Variants in RARB observed in about 807,000 individuals in gnomAD.
RARB encodes retinoic acid receptor beta.
Under a neutral mutation model 51.9 loss-of-function variants are expected in RARB, and 17 were observed. The ratio of observed to expected loss-of-function variants is 0.33; its 90% CI spans 0.22 to 0.49. The LOEUF (loss-of-function observed/expected upper bound fraction) is 0.49. Among genes scored for constraint, RARB ranks in the 20% least tolerant of loss-of-function variants. The pLI, the probability that RARB is intolerant of heterozygous loss-of-function variation, is 0.99. For synonymous variants in RARB, 215 were observed against 195.4 expected, an observed-to-expected ratio of 1.10 and a Z score of -0.84; for missense variants, 369 against 550.8, an observed-to-expected ratio of 0.67 and a Z score of 3.30.
chr3:25,154,706 A>G (rs746455304), intron 4 of RARB, among the ~76,000 whole-genome samples: 7 of 152,074 alleles, frequency 4.6e-5, no homozygotes, highest in Non-Finnish European at 7.4e-5. Context: ...CCAATCTCTT[A>G]CTACTCCCCA....
At chr3:25,136,186 G>T (rs528015036) in intron 4 of RARB, among the ~76,000 whole-genome samples, 1 of 152,008 alleles carries the variant, frequency 6.6e-6, no homozygotes, top group African/African-American at 2.4e-5. Context: ...CTGAACCCTT[G>T]ACAGGCATAT....
At chr3:25,303,147 C>G (rs1051092517) in intron 5 of RARB, among the ~76,000 whole-genome samples, 1 of 152,136 alleles carries the variant, frequency 6.6e-6, no homozygotes. Flanking sequence ...TCTTGACATG[C>G]TCAGCAGTTC....
At chr3:25,326,980 CCCTCCCCCCT>C (rs1329204675) in intron 5 of RARB, among the ~76,000 whole-genome samples, 3 of 151,950 alleles carry the variant, frequency 2.0e-5, no homozygotes, top group African/African-American at 2.4e-5. Flanking sequence ...CTAATGCTAT[CCCTCCCCCCT>C]CCTCCCACCC....
chr3:25,432,586 C>T (rs2125517568), intron 1 of RARB, among the ~76,000 whole-genome samples: 1 of 152,208 alleles, frequency 6.6e-6, no homozygotes, highest in African/African-American at 2.4e-5. Context: ...TATTGTTATG[C>T]ACTTTTCTCT....
In RARB at chr3:25,596,459, G is replaced by C; in HGVS notation, c.1190G>C (p.Gly397Ala). The change falls in exon 8 of 8, where the codon GGA becomes GCA. Residue 397 changes from glycine to alanine, a missense_variant. Physicochemically the swap from Gly to Ala is moderately conservative, Grantham distance 60. This residue lies in a region of RARB where 76 missense variants were observed against 153.3 expected (regional missense o/e 0.50). Coordinates refer to ENST00000330688, the MANE Select transcript of RARB (RefSeq NM_000965.5). The part of the protein sequence containing the change: ...RVITLKMEIP[G>A]SMPPLIQEML... Reference sequence around the variant, plus strand: ...ATTACCTTGAAAATGGAAATTCCTGGATCAATGCCACCTCTCATTCAAGAA... The same window carrying C: ...ATTACCTTGAAAATGGAAATTCCTGCATCAATGCCACCTCTCATTCAAGAA... 6.2e-7 allele frequency: 1 copy of C among 1,613,464 alleles called. No homozygotes were observed. Among genetic ancestry groups the C allele is most frequent in the Non-Finnish European group, 8.5e-7 (1 of 1,179,540 alleles).
intron 4 of RARB, among the ~76,000 whole-genome samples, chr3:25,165,043 G>T (rs1380125855): frequency 6.6e-6 from 1 of 152,258 alleles, no homozygotes; most frequent in South Asian, 2.1e-4. Flanking sequence ...TACTGAGTTA[G>T]TATGGTCCTT....
chr3:25,591,409 C>A (rs1023619579), intron 5 of RARB, among the ~76,000 whole-genome samples: 1 of 152,124 alleles, frequency 6.6e-6, no homozygotes, highest in Non-Finnish European at 1.5e-5. Context: ...AGGCCGATAT[C>A]GAAATCAGTA....
At chr3:24,996,126 C>T (rs1034186035) in intron 2 of RARB, among the ~76,000 whole-genome samples, 2 of 152,068 alleles carry the variant, frequency 1.3e-5, no homozygotes, top group African/African-American at 4.8e-5. Flanking sequence ...ATTACTGATT[C>T]AATCCCATGC....
At chr3:25,433,059 A>G (rs550879287) in intron 1 of RARB, among the ~76,000 whole-genome samples, 19 of 152,344 alleles carry the variant, frequency 1.2e-4, no homozygotes, top group Middle Eastern at 6.8e-3. Flanking sequence ...TTAACTATCA[A>G]TTAAATAGAT....
intron 2 of RARB, among the ~76,000 whole-genome samples, chr3:24,997,210 A>G (rs1697061063): frequency 6.6e-6 from 1 of 151,966 alleles, no homozygotes; most frequent in South Asian, 2.1e-4. Context: ...TTATTGTGTA[A>G]TGTCTTTTTT....
chr3:25,024,677 C>T (rs978001644), intron 2 of RARB, among the ~76,000 whole-genome samples: 1 of 152,122 alleles, frequency 6.6e-6, no homozygotes, highest in African/African-American at 2.4e-5. Context: ...AAGAGCTGGG[C>T]ACGGTGGCTC....
chr3:25,347,930 T>C (rs923305086), intron 5 of RARB, among the ~76,000 whole-genome samples: 2 of 152,212 alleles, frequency 1.3e-5, no homozygotes, highest in African/African-American at 4.8e-5. Context: ...CAGGAAAGTT[T>C]ATCTGATCTG....
intron 3 of RARB, among the ~76,000 whole-genome samples, chr3:25,536,123 C>G (rs1463638497): frequency 6.6e-6 from 1 of 152,180 alleles, no homozygotes; most frequent in Non-Finnish European, 1.5e-5. Context: ...CTATTAATAT[C>G]TCACCATTCA....
chr3:25,496,915 A>T (rs999520165), intron 2 of RARB, among the ~76,000 whole-genome samples: 11 of 151,936 alleles, frequency 7.2e-5, no homozygotes, highest in Non-Finnish European at 1.3e-4. Flanking sequence ...ACGGAGTTTC[A>T]CTCTTGTTAC....
chr3:25,486,726 CTT>C (rs1696493302), intron 2 of RARB, among the ~76,000 whole-genome samples: 1 of 152,202 alleles, frequency 6.6e-6, no homozygotes, highest in Non-Finnish European at 1.5e-5. Flanking sequence ...TGGTGAGGTA[CTT>C]TTTTGGCTAC....
At chr3:25,540,328 C>A (rs905754275) in intron 3 of RARB, among the ~76,000 whole-genome samples, 2 of 152,110 alleles carry the variant, frequency 1.3e-5, no homozygotes, top group Admixed American at 1.3e-4. Context: ...TTTTAATCTT[C>A]CTAGTTAATT....
chr3:24,879,205 G>A (rs370980924), intron 2 of RARB, among the ~76,000 whole-genome samples: 8 of 151,170 alleles, frequency 5.3e-5, no homozygotes, highest in African/African-American at 7.3e-5. Context: ...CGCGGCCGGC[G>A]GATCACGAGG....
intron 5 of RARB, among the ~76,000 whole-genome samples, chr3:25,587,597 C>T (rs1701445975): frequency 6.6e-6 from 1 of 152,200 alleles, no homozygotes; most frequent in South Asian, 2.1e-4. Context: ...ACTCCTGCTG[C>T]TTCTAACATC....
intron 3 of RARB, among the ~76,000 whole-genome samples, chr3:25,564,163 T>C (rs983778467): frequency 6.6e-6 from 1 of 152,292 alleles, no homozygotes; most frequent in East Asian, 1.9e-4. Flanking sequence ...TAAAAGTGCT[T>C]GGGTGTCTGT....
Sources: gnomAD v4.1 joint callset for allele counts (sites outside exome capture counted in the v4.1 genomes callset) on GRCh38, gnomAD v4.1.1 for gene constraint, gnomAD v4.1.1 regional missense constraint, MANE v1.5 for transcripts, NCBI Gene and HGNC (gene_info 2026-07-23, HGNC 2026-07-21) for gene names.